The following ANKRD11 variants were observed in gnomAD, a reference collection of about 807,000 sequenced individuals.
ANKRD11 encodes the protein ankyrin repeat domain 11.
In ANKRD11, 17 loss-of-function variants were observed where a neutral mutation model predicts 195.7. The observed-to-expected ratio is 0.09, with a 90% CI of 0.06 to 0.13. The LOEUF (loss-of-function observed/expected upper bound fraction) is 0.13, where lower values mean the gene tolerates loss of function less well. Among genes scored for constraint, ANKRD11 ranks in the 10% least tolerant of loss-of-function variants. ANKRD11 has a pLI of 1.00. For synonymous variants in ANKRD11, 1,953 were observed against 1,528.1 expected (o/e 1.28, Z -6.49); for missense variants, 3,735 against 3,566.1 (o/e 1.05, Z -1.21).
intron 3 of ANKRD11, among the ~76,000 whole-genome samples, chr16:89,313,825 C>T (rs998217427): frequency 2.6e-5 from 4 of 152,182 alleles, no homozygotes; most frequent in African/African-American, 9.7e-5. Context: ...ACTGTTCAAG[C>T]TAAGAAAGCT....
rs534299707 is a variant in ANKRD11, at chr16:89,318,441, C to T, written c.-59-1363G>A. ...ACTGTGTGCACGTCTCTGCCCTTTC[C>T]GCCACAGCAGCACCTCTGTGCGCGA... On this transcript the variant is annotated intron_variant, in intron 2 of 12. Coordinates refer to ENST00000301030, the MANE Select transcript of ANKRD11 (RefSeq NM_013275.6). 9.2e-5 allele frequency among the ~76,000 whole-genome samples: 14 copies of T among 152,362 alleles called. No homozygotes were observed. In the South Asian group the frequency reaches 2.7e-3, roughly 29 times the overall value.
intron 2 of ANKRD11, among the ~76,000 whole-genome samples, chr16:89,406,411 C>G (rs1388693480): frequency 6.6e-6 from 1 of 152,230 alleles, no homozygotes; most frequent in Non-Finnish European, 1.5e-5. Flanking sequence ...CGCTCTGAGA[C>G]TTGCGGTCAG....
chr16:89,476,677 G>T, intron 1 of ANKRD11, among the ~76,000 whole-genome samples: 1 of 152,136 alleles, frequency 6.6e-6, no homozygotes, highest in East Asian at 1.9e-4. Context: ...TCTCCTCCTT[G>T]GTCTCACAGC....
chr16:89,375,562 C>T lies in ANKRD11; in HGVS notation c.-60+42722G>A, dbSNP rs574715320. On this transcript the variant is annotated intron_variant, in intron 2 of 12. Coordinates refer to ENST00000301030, the MANE Select transcript of ANKRD11 (RefSeq NM_013275.6). ...GCAACCTCTGCCTCCCAGGCCCAAG[C>T]GATTCTCCTGTCTCAGCCTCCCGAG... Among the ~76,000 whole-genome samples, 11 of 152,108 alleles carry T rather than the reference C, an allele frequency of 7.2e-5. No individual in the cohort carries two copies. The South Asian group carries it at 1.2e-3, about 17-fold the overall frequency.
At chr16:89,469,963 T>C (rs762839648) in intron 1 of ANKRD11, among the ~76,000 whole-genome samples, 2 of 150,626 alleles carry the variant, frequency 1.3e-5, no homozygotes, top group Non-Finnish European at 3.0e-5. Context: ...TGGAGCGCAG[T>C]GGTGCGATCT....
Position 89,281,397 on chromosome 16 carries a change from G to A in ANKRD11, c.5145C>T (p.Tyr1715=), listed in dbSNP as rs1298649064. 9 of 1,609,106 alleles carry A rather than the reference G, an allele frequency of 5.6e-6. No individual in the cohort carries two copies. The highest frequency in any genetic ancestry group is 5.5e-5 in the South Asian group (5 of 90,928). Residue 1715 remains tyrosine (Y), a synonymous_variant, in exon 9 of 13, where the codon TAC becomes TAT. Transcript: ENST00000301030. The surrounding 1 kb of genome is among the most constrained non-coding windows in gnomAD (Gnocchi z 5.5). ...TPTSVLSCPS[Y]EEVMHTPRTP... ...TCCTGGGCGTGTGCATCACCTCCTC[G>A]TAGCTGGGGCAGGATAGCACCGACG... is the stretch of plus-strand genomic sequence containing the variant.
Position 89,283,068 on chromosome 16 carries a change from G to T in ANKRD11, c.3474C>A (p.Ala1158=). ...ACTTCCTGTGTCTGTCGGAGGCATA[G>T]GCCTCCCGTCCTTCCTCCTTCTCCT... ...GLQEKEEGRE[A]YASDRHRKSS... Residue 1158 remains alanine, a synonymous_variant, in exon 9 of 13, where the codon GCC becomes GCA. Coordinates refer to ENST00000301030, the MANE Select transcript of ANKRD11 (RefSeq NM_013275.6). This position sits in a 1 kb window ranked among gnomAD's most constrained non-coding sequence, Gnocchi z 4.3. 1 of 1,613,888 alleles carries T rather than the reference G, an allele frequency of 6.2e-7. No individual in the cohort carries two copies.
chr16:89,291,738 C>G lies in ANKRD11; in HGVS notation c.227-555G>C, dbSNP rs1259343348. 7.8e-7 allele frequency: 1 copy of G among 1,289,708 alleles called. No individual in the cohort carries two copies. The allele number at this position is 1,289,708 out of a possible 1,614,324, so 79.9% of individuals were successfully genotyped here. ...TGCCATGGTGCTTCGAGGAGCGTACCAGCCTTGCAGCACCACAACAGGGAC... is the reference window on the plus strand; with the variant it reads ...TGCCATGGTGCTTCGAGGAGCGTACGAGCCTTGCAGCACCACAACAGGGAC... On this transcript the variant is annotated intron_variant, in intron 4 of 12. Transcript: ENST00000301030. This position sits in a 1 kb window ranked among gnomAD's most constrained non-coding sequence, Gnocchi z 5.3.
intron 2 of ANKRD11, among the ~76,000 whole-genome samples, chr16:89,385,335 G>A (rs992925541): frequency 2.6e-5 from 4 of 151,572 alleles, no homozygotes; most frequent in African/African-American, 7.3e-5. Flanking sequence ...TGCCATGTTG[G>A]CCGGGCTGGT....
intron 2 of ANKRD11, among the ~76,000 whole-genome samples, chr16:89,361,273 G>A (rs925045234): frequency 1.3e-5 from 2 of 152,174 alleles, no homozygotes; most frequent in African/African-American, 2.4e-5. Flanking sequence ...AGCAGGAAAC[G>A]GGGTGACACA....
chr16:89,444,950 A>G (rs1228632101), intron 1 of ANKRD11, among the ~76,000 whole-genome samples: 1 of 152,116 alleles, frequency 6.6e-6, no homozygotes, highest in Non-Finnish European at 1.5e-5. Context: ...TCACCACAGG[A>G]GCAGGCAGGC....
intron 2 of ANKRD11, among the ~76,000 whole-genome samples, chr16:89,405,837 C>T (rs368753680): frequency 3.7e-4 from 57 of 152,242 alleles, no homozygotes; most frequent in South Asian, 8.3e-4. Flanking sequence ...TCAATCCCAA[C>T]TTAGCTCCAG....
intron 1 of ANKRD11, among the ~76,000 whole-genome samples, chr16:89,450,598 C>G (rs1005185734): frequency 6.6e-6 from 1 of 152,180 alleles, no homozygotes; most frequent in Non-Finnish European, 1.5e-5. Context: ...TTGTGATTAT[C>G]ATTCCCAAAT....
At chr16:89,327,081 T>TGGAAATTCAGAGGTG (rs2037774350) in intron 2 of ANKRD11, among the ~76,000 whole-genome samples, 2 of 142,192 alleles carry the variant, frequency 1.4e-5, no homozygotes, top group African/African-American at 5.4e-5. Flanking sequence ...ATGCAGAGGT[T>TGGAAATTCAGAGGTG]GGAAATGCAG....
chr16:89,415,836 A>AAAAAAAAAAAAAAAAAC (rs1567774075), intron 2 of ANKRD11, among the ~76,000 whole-genome samples: 3 of 141,186 alleles, frequency 2.1e-5, no homozygotes, highest in African/African-American at 7.9e-5. Context: ...TCTCAAAAAA[A>AAAAAAAAAAAAAAAAAC]AAAAAAAAAA....
At chr16:89,463,048 T>C (rs1167396231) in intron 1 of ANKRD11, among the ~76,000 whole-genome samples, 41 of 102,302 alleles carry the variant, frequency 4.0e-4, no homozygotes, top group Middle Eastern at 6.1e-3. Flanking sequence ...GGGAGGGAGG[T>C]GGGGGGGTCA....
rs12928268 is a variant in ANKRD11 at position 89,334,145 on chromosome 16, A to T, written c.-59-17067T>A. On this transcript the variant is annotated intron_variant, in intron 2 of 12. Coordinates refer to ENST00000301030, the MANE Select transcript of ANKRD11 (RefSeq NM_013275.6). Reference sequence around the variant, plus strand: ...GTAACATGATGAAACCCTGTGTTTTAAAAAAAAAAAAAAAAAAAAAAAAAA... The same window carrying T: ...GTAACATGATGAAACCCTGTGTTTTTAAAAAAAAAAAAAAAAAAAAAAAAA... 4.9e-3 allele frequency among the ~76,000 whole-genome samples: 381 copies of T among 77,144 alleles called. 22 individuals carry two copies. Among genetic ancestry groups the T allele is most frequent in the African/African-American group, 0.019 (335 of 17,830 alleles). The allele number at this position is 77,144 out of a possible 152,430, so 50.6% of individuals were successfully genotyped here.
intron 1 of ANKRD11, among the ~76,000 whole-genome samples, chr16:89,440,634 G>T (rs2043409210): frequency 1.3e-5 from 2 of 152,072 alleles, no homozygotes; most frequent in South Asian, 2.1e-4. Context: ...GGAGGAGGAG[G>T]TAAGAGGGAA....
intron 2 of ANKRD11, among the ~76,000 whole-genome samples, chr16:89,406,504 T>A (rs1318614002): frequency 6.6e-6 from 1 of 152,114 alleles, no homozygotes; most frequent in Admixed American, 6.5e-5. Flanking sequence ...ACATGTTCGT[T>A]GGCCATGCCC....
Sources: gnomAD v4.1 joint callset for allele counts (sites outside exome capture counted in the v4.1 genomes callset) on GRCh38, gnomAD v4.1.1 for gene constraint, Gnocchi (gnomAD v3.1) non-coding constraint, MANE v1.5 for transcripts, NCBI Gene and HGNC (gene_info 2026-07-23, HGNC 2026-07-21) for gene names.